PCDH11X: variants seen among roughly 807,000 people sequenced by gnomAD.
The protein encoded by PCDH11X is protocadherin 11 X-linked, also known as protocadherin-11 X-linked.
A neutral mutation model predicts 53.3 loss-of-function variants in PCDH11X; 18 were observed. That is an observed-to-expected ratio of 0.34 (90% confidence interval 0.23 to 0.50). The LOEUF is 0.50. PCDH11X is among the 20% of genes least tolerant of loss of function. The pLI is 0.98. For synonymous variants in PCDH11X, 279 were observed against 393.3 expected, an observed-to-expected ratio of 0.71 and a Z score of 3.44; for missense variants, 570 against 1,032.4, an observed-to-expected ratio of 0.55 and a Z score of 6.14.
intron 10 of PCDH11X, among the ~76,000 whole-genome samples, chrX:92,521,049 G>T (rs865878912): frequency 9.0e-6 from 1 of 110,611 alleles, no homozygotes; most frequent in East Asian, 2.9e-4. Flanking sequence ...TGTCCATGAG[G>T]GTTGGAATAA....
intron 8 of PCDH11X, among the ~76,000 whole-genome samples, chrX:92,349,427 G>A (rs2069987528): frequency 1.0e-5 from 1 of 97,601 alleles, no homozygotes; most frequent in Admixed American, 1.1e-4. Context: ...TTCTAACCTT[G>A]ACCTCTTCAG....
At chrX:91,852,228 T>C (rs1938072951) in intron 5 of PCDH11X, among the ~76,000 whole-genome samples, 1 of 108,847 alleles carries the variant, frequency 9.2e-6, no homozygotes, top group South Asian at 4.0e-4. Context: ...TTGGCCAGGC[T>C]GGTCTAGAAC....
chrX:92,143,728 G>C (rs776803198), intron 6 of PCDH11X, among the ~76,000 whole-genome samples: 1 of 112,500 alleles, frequency 8.9e-6, no homozygotes, highest in African/African-American at 3.2e-5. Flanking sequence ...CCCCCACACA[G>C]AATCCCTACC....
chrX:92,447,771 A>G (rs1241940704), intron 9 of PCDH11X, among the ~76,000 whole-genome samples: 1 of 112,603 alleles, frequency 8.9e-6, no homozygotes, highest in Non-Finnish European at 1.9e-5. Context: ...AGATCCACTG[A>G]CAGCTTGCAC....
chrX:92,506,707 G>T (rs1368640241), intron 10 of PCDH11X, among the ~76,000 whole-genome samples: 2 of 93,707 alleles, frequency 2.1e-5, no homozygotes, highest in African/African-American at 4.0e-5. Context: ...TTATTTTTTT[G>T]GTTGTGTTTC....
intron 6 of PCDH11X, among the ~76,000 whole-genome samples, chrX:91,946,558 CATATATATATATATATAT>C (rs766671132): frequency 1.2e-3 from 38 of 31,624 alleles, no homozygotes; most frequent in African/African-American, 2.7e-3. Flanking sequence ...CTGTTTCCCT[CATATATATATATATATAT>C]ATATATATAT....
intron 7 of PCDH11X, among the ~76,000 whole-genome samples, chrX:92,248,328 G>GA (rs1376542751): frequency 3.6e-5 from 4 of 111,699 alleles, no homozygotes; most frequent in Admixed American, 2.9e-4. Flanking sequence ...GTTCAAGTCA[G>GA]TATCAGAAAG....
chrX:92,114,111 C>A (rs2064582446), intron 6 of PCDH11X: 3 of 1,168,939 alleles, frequency 2.6e-6, no homozygotes, highest in African/African-American at 3.5e-5. Context: ...TGACCACCTT[C>A]TGTATCTGCT....
At chrX:92,603,018 A>C (rs900870440) in intron 10 of PCDH11X, among the ~76,000 whole-genome samples, 6 of 103,969 alleles carry the variant, frequency 5.8e-5, no homozygotes, top group Admixed American at 2.1e-4. Context: ...TTAAATAAGT[A>C]AAGGAAGGTA....
chrX:92,522,361 C>T (rs1207368000), intron 10 of PCDH11X, among the ~76,000 whole-genome samples: 11 of 111,623 alleles, frequency 9.9e-5, no homozygotes, highest in Admixed American at 5.7e-4. Flanking sequence ...GTAATCATAG[C>T]ACACACATTT....
At chrX:92,332,325 A>G (rs947190769) in intron 8 of PCDH11X, among the ~76,000 whole-genome samples, 5 of 111,946 alleles carry the variant, frequency 4.5e-5, no homozygotes, top group African/African-American at 9.8e-5. Flanking sequence ...TACATTTGTA[A>G]CAATATTCAG....
chrX:92,472,841 CCTGGTTAG>C (rs2148665428), intron 10 of PCDH11X, among the ~76,000 whole-genome samples: 1 of 110,270 alleles, frequency 9.1e-6, no homozygotes, highest in South Asian at 3.9e-4. Context: ...TTTTCACCTC[CCTGGTTAG>C]CTGTATTCCA....
chrX:92,172,540 C>G (rs1339696759), intron 6 of PCDH11X, among the ~76,000 whole-genome samples: 1 of 108,810 alleles, frequency 9.2e-6, no homozygotes, highest in Admixed American at 1.0e-4. Context: ...TAGGTGTGTG[C>G]CACCATGCCC....
intron 8 of PCDH11X, among the ~76,000 whole-genome samples, chrX:92,326,008 C>T (rs910988268): frequency 8.9e-6 from 1 of 112,050 alleles, no homozygotes; most frequent in Non-Finnish European, 1.9e-5. Context: ...ATGAAAGAAA[C>T]GAGTCCTCTG....
At chrX:92,277,745 A>G (rs770522487) in intron 8 of PCDH11X, among the ~76,000 whole-genome samples, 18 of 110,382 alleles carry the variant, frequency 1.6e-4, no homozygotes, top group Non-Finnish European at 3.4e-4. Context: ...GCGCAGAGAT[A>G]CGAGGCTGGG....
chrX:91,978,475 G>A (rs1214577104), intron 6 of PCDH11X, among the ~76,000 whole-genome samples: 1 of 107,832 alleles, frequency 9.3e-6, no homozygotes, highest in Non-Finnish European at 1.9e-5. Flanking sequence ...GCCTCACTTT[G>A]CTGTACAGGA....
chrX:92,013,447 G>T (rs991553855), intron 6 of PCDH11X, among the ~76,000 whole-genome samples: 1 of 111,260 alleles, frequency 9.0e-6, no homozygotes, highest in Non-Finnish European at 1.9e-5. Context: ...CATGAAAATG[G>T]CCATACTGCC....
At chrX:92,449,251 T>C (rs917737618) in intron 9 of PCDH11X, among the ~76,000 whole-genome samples, 2 of 111,990 alleles carry the variant, frequency 1.8e-5, no homozygotes, top group African/African-American at 6.5e-5. Context: ...CAGGGCAACA[T>C]AGCTATTTGA....
At chrX:92,026,173 C>T in intron 6 of PCDH11X, among the ~76,000 whole-genome samples, 1 of 109,684 alleles carries the variant, frequency 9.1e-6, no homozygotes, top group East Asian at 2.9e-4. Context: ...TATAACAAAC[C>T]TCCACATGTA....
Sources: allele counts gnomAD v4.1 joint callset (sites outside exome capture counted in the v4.1 genomes callset), GRCh38; gene constraint gnomAD v4.1.1; transcripts MANE v1.5; gene names NCBI Gene and HGNC (gene_info 2026-07-23, HGNC 2026-07-21).